The following ARHGEF12 variants were observed in gnomAD, a reference collection of about 807,000 sequenced individuals.
The protein encoded by ARHGEF12 is KMT2A/ARHGEF12 fusion protein.
In ARHGEF12, 66 loss-of-function variants were observed where a neutral mutation model predicts 211.2. The ratio of observed to expected loss-of-function variants is 0.31; its 90% confidence interval spans 0.26 to 0.38. The LOEUF (loss-of-function observed/expected upper bound fraction) is 0.38, where lower values mean the gene tolerates loss of function less well. Among genes scored for constraint, ARHGEF12 ranks in the 10% least tolerant of loss-of-function variants. The pLI is 1.00. For synonymous variants in ARHGEF12, 592 were observed against 638.4 expected, an observed-to-expected ratio of 0.93 and a Z score of 1.09; for missense variants, 1,429 against 1,869.5, an observed-to-expected ratio of 0.76 and a Z score of 4.34.
chr11:120,358,067 T>C (rs1943175332), intron 1 of ARHGEF12, among the ~76,000 whole-genome samples: 2 of 152,164 alleles, frequency 1.3e-5, no homozygotes, highest in African/African-American at 4.8e-5. Flanking sequence ...CTCTGGATTG[T>C]AGGGAGCCAC....
rs1241103868 is a variant in ARHGEF12 at position 120,336,521 on chromosome 11, T to G, written c.-723T>G. On this transcript the variant is annotated 5_prime_UTR_variant, in exon 1 of 41. Transcript: ENST00000397843. ...CATCTCCCGCCCCTCGCGGGGAGCGTCGGGGAGGAGCCGCCGCCTCTGGCG... is the reference window on the plus strand; with the variant it reads ...CATCTCCCGCCCCTCGCGGGGAGCGGCGGGGAGGAGCCGCCGCCTCTGGCG... Among the ~76,000 whole-genome samples the G allele has an allele frequency of 2.6e-5, 4 of 151,688 alleles. No homozygotes were observed. Among genetic ancestry groups the G allele is most frequent in the African/African-American group, 9.7e-5 (4 of 41,440 alleles).
chr11:120,373,234 A>G (rs1943636801), intron 1 of ARHGEF12, among the ~76,000 whole-genome samples: 1 of 152,222 alleles, frequency 6.6e-6, no homozygotes, highest in Non-Finnish European at 1.5e-5. Flanking sequence ...GTTGTTTAAT[A>G]TGATTTACCT....
At chr11:120,363,901 G>C (rs1410084640) in intron 1 of ARHGEF12, among the ~76,000 whole-genome samples, 1 of 152,162 alleles carries the variant, frequency 6.6e-6, no homozygotes, top group African/African-American at 2.4e-5. Context: ...TTGGATGGAG[G>C]AATATCATGG....
In ARHGEF12 at chr11:120,477,630, C is replaced by T. The variant is rs554779840; in HGVS notation, c.3532+104C>T. 1.2e-5 allele frequency: 12 copies of T among 1,032,920 alleles called. No individual in the cohort carries two copies. The East Asian group carries it at 2.7e-4, about 23-fold the overall frequency. The allele number at this position is 1,032,920 out of a possible 1,614,324, so 64.0% of individuals were successfully genotyped here. A position where few individuals can be genotyped will look rare whatever the true frequency, so the allele number is the denominator to read the frequency against. ...CTGTAATCCCAGTGCTTTGGGAGGT[C>T]GAGATAGGCGTATCACCTGAGGCCA... On this transcript the variant is annotated intron_variant, in intron 36 of 40. Coordinates refer to ENST00000397843, the MANE Select transcript of ARHGEF12 (RefSeq NM_015313.3).
intron 1 of ARHGEF12, among the ~76,000 whole-genome samples, chr11:120,356,102 GC>G (rs1441617430): frequency 6.6e-6 from 1 of 152,224 alleles, no homozygotes; most frequent in Non-Finnish European, 1.5e-5. Flanking sequence ...CAGGCTAGGA[GC>G]AATCTATCAG....
intron 27 of ARHGEF12, chr11:120,464,416 T>TA (rs1391118249): frequency 6.6e-6 from 1 of 151,820 alleles, no homozygotes; most frequent in Non-Finnish European, 1.5e-5. Flanking sequence ...CCATCTCTAC[T>TA]AAAAATACAA....
At chr11:120,383,684 T>C (rs2135463146) in intron 1 of ARHGEF12, among the ~76,000 whole-genome samples, 1 of 152,136 alleles carries the variant, frequency 6.6e-6, no homozygotes, top group East Asian at 1.9e-4. Flanking sequence ...ATGCGAGTGA[T>C]GGGGAGCAGC....
intron 4 of ARHGEF12, among the ~76,000 whole-genome samples, chr11:120,412,686 TAA>T (rs1944920982): frequency 3.3e-5 from 5 of 152,200 alleles, no homozygotes; most frequent in African/African-American, 1.2e-4. Context: ...GTCTCCAGTC[TAA>T]GTGTCCCATA....
chr11:120,458,400 A>G, intron 25 of ARHGEF12, 166 bp downstream of exon 25: 2 of 655,232 alleles, frequency 3.1e-6, no homozygotes, highest in Non-Finnish European at 2.5e-6. Flanking sequence ...GAAAATGCAA[A>G]TGTTTCTCTG....
rs1435691305 is a variant in ARHGEF12 at position 120,446,237 on chromosome 11, T to TAATAAA, written c.1346-165_1346-164insATAAAA. Among the ~76,000 whole-genome samples the TAATAAA allele has an allele frequency of 1.5e-4, 22 of 142,596 alleles. No individual in the cohort carries two copies. The South Asian group carries it at 2.7e-3, about 18-fold the overall frequency. The allele number at this position is 142,596 out of a possible 152,430, so 93.5% of individuals were successfully genotyped here. On this transcript the variant is annotated intron_variant, in intron 16 of 40. Coordinates refer to ENST00000397843, the MANE Select transcript of ARHGEF12 (RefSeq NM_015313.3). Reference sequence around the variant, plus strand: ...ATAATAATAATAATAATAATAATAATAGAGTAAATGAAATCAGAATTCTGG... The same window carrying TAATAAA: ...ATAATAATAATAATAATAATAATAATAATAAAAGAGTAAATGAAATCAGAATTCTGG...
At chr11:120,373,499 C>T (rs1365360966) in intron 1 of ARHGEF12, among the ~76,000 whole-genome samples, 1 of 152,134 alleles carries the variant, frequency 6.6e-6, no homozygotes, top group Non-Finnish European at 1.5e-5. Flanking sequence ...AGAACAGTGC[C>T]TGCACATAAT....
chr11:120,388,530 T>C (rs894545486), intron 1 of ARHGEF12, among the ~76,000 whole-genome samples: 4 of 152,218 alleles, frequency 2.6e-5, no homozygotes, highest in Non-Finnish European at 5.9e-5. Flanking sequence ...TTTTAACTCT[T>C]TAAGAAATTG....
chr11:120,473,127 G>C lies in ARHGEF12; in HGVS notation c.3033G>C (p.Arg1011Ser). ...LSEYPNVEEL[R>S]NLDLTKRKMI... The stretch of plus-strand genomic sequence containing the variant: ...AGTACCCAAATGTTGAAGAGCTCAG[G>C]GTGAGAGATGGTCTAATCATAATTT... Residue 1011 changes from arginine (R) to serine (S), a missense_variant and splice_region_variant, in exon 31 of 41, where the codon AGG becomes AGC. Arg to Ser is a moderately radical substitution (Grantham distance 110). Around this residue, in one of 7 missense-constraint regions of ARHGEF12, gnomAD observed 223 missense variants for 444.6 expected, o/e 0.50. Coordinates refer to ENST00000397843, the MANE Select transcript of ARHGEF12 (RefSeq NM_015313.3). 2 of 1,612,198 alleles carry C rather than the reference G, an allele frequency of 1.2e-6. No individual in the cohort carries two copies. The highest frequency in any genetic ancestry group is 1.7e-6 in the Non-Finnish European group (2 of 1,178,994).
chr11:120,364,206 A>T (rs774486057), intron 1 of ARHGEF12, among the ~76,000 whole-genome samples: 14 of 152,158 alleles, frequency 9.2e-5, no homozygotes, highest in Admixed American at 2.0e-4. Flanking sequence ...TATAAGGCCA[A>T]ATCTTGGGCA....
At chr11:120,399,732 C>T (rs1232377155) in intron 1 of ARHGEF12, among the ~76,000 whole-genome samples, 1 of 152,012 alleles carries the variant, frequency 6.6e-6, no homozygotes, top group Non-Finnish European at 1.5e-5. Context: ...ATTAACTTGT[C>T]GAATCACTTT....
At position 120,480,108 on chromosome 11, in the gene ARHGEF12, C is replaced by A. The variant is rs766882832; in HGVS notation, c.3915C>A (p.Ala1305=). The change falls in exon 38 of 41, where the codon GCC becomes GCA. Residue 1305 remains alanine (A), a synonymous_variant. Coordinates refer to ENST00000397843, the MANE Select transcript of ARHGEF12 (RefSeq NM_015313.3). ...SVIQNSENIK[A]YHSGEGHMPF... is the part of the protein sequence containing the mutation. ...TCCAGAACTCTGAAAATATTAAGGC[C>A]TATCATTCTGGTGAAGGACATATGC... The A allele has an allele frequency of 6.8e-6, 11 of 1,614,052 alleles. No individual in the cohort carries two copies. Among genetic ancestry groups the A allele is most frequent in the Admixed American group, 1.7e-5 (1 of 59,998 alleles).
chr11:120,439,937 C>T, intron 12 of ARHGEF12, 192 bp from the exon 13 acceptor site: 1 of 492,516 alleles, frequency 2.0e-6, no homozygotes, highest in Non-Finnish European at 3.6e-6. Context: ...TGGTCTTTTT[C>T]TCTGCCAGAG....
chr11:120,448,135 A>G (rs1319855773), intron 19 of ARHGEF12, 99 bp from the exon 20 acceptor site: 5 of 936,316 alleles, frequency 5.3e-6, no homozygotes, highest in Non-Finnish European at 1.6e-6. Flanking sequence ...ATTTATTTCA[A>G]TAATTCCAAC....
At chr11:120,349,201 G>C (rs1328084593) in intron 1 of ARHGEF12, among the ~76,000 whole-genome samples, 1 of 152,182 alleles carries the variant, frequency 6.6e-6, no homozygotes, top group African/African-American at 2.4e-5. Context: ...GTTAAATTGG[G>C]TGTGTTGCCT....
Sources: allele counts gnomAD v4.1 joint callset (sites outside exome capture counted in the v4.1 genomes callset), GRCh38; gene constraint gnomAD v4.1.1; regional missense constraint gnomAD v4.1.1; transcripts MANE v1.5; gene names NCBI Gene and HGNC (gene_info 2026-07-23, HGNC 2026-07-21).